Variants in FAM171B observed in about 807,000 individuals in gnomAD.
FAM171B encodes protein FAM171B.
A neutral mutation model predicts 75.6 loss-of-function variants in FAM171B; 19 were observed. The ratio of observed to expected loss-of-function variants is 0.25; its 90% CI spans 0.18 to 0.37. The LOEUF (loss-of-function observed/expected upper bound fraction) is 0.37, where lower values mean the gene tolerates loss of function less well. Ranked by LOEUF, FAM171B falls within the 10% of genes least tolerant of loss-of-function variation. FAM171B has a pLI of 1.00. For missense variants in FAM171B, 848 were observed against 982.4 expected (o/e 0.86, Z 1.83); for synonymous variants, 367 against 361.7 (o/e 1.01, Z -0.17).
intron 1 of FAM171B, among the ~76,000 whole-genome samples, chr2:186,730,283 T>A (rs1283704615): frequency 1.3e-5 from 2 of 152,234 alleles, no homozygotes; most frequent in Non-Finnish European, 2.9e-5. Context: ...AATCTCAATT[T>A]CCTTGCCTTA....
At chr2:186,747,924 C>A (rs13020260) in intron 4 of FAM171B, among the ~76,000 whole-genome samples, 49,936 of 151,724 alleles carry the variant, frequency 0.33, 8,837 homozygotes, top group East Asian at 0.73. Context: ...CTTGTTCCAC[C>A]ATTTTTTTTT....
In FAM171B at chr2:186,765,195, G is replaced by A. The variant is rs1024233820; in HGVS notation, c.*2372G>A. Reference sequence around the variant, plus strand: ...CCATCTACTTTTTCTTAACCCAAGTGATAATAAACAATATTCACAACTTTC... The same window carrying A: ...CCATCTACTTTTTCTTAACCCAAGTAATAATAAACAATATTCACAACTTTC... On this transcript the variant is annotated 3_prime_UTR_variant, in exon 8 of 8. Coordinates refer to ENST00000304698, the MANE Select transcript of FAM171B (RefSeq NM_177454.4). 1 of 151,938 alleles carries A rather than the reference G, an allele frequency of 6.6e-6. No homozygotes were observed. The highest frequency in any genetic ancestry group is 1.5e-5 in the Non-Finnish European group (1 of 67,930). 9.4% of individuals were successfully genotyped at this position (151,938 alleles called of 1,614,324 possible).
intron 1 of FAM171B, among the ~76,000 whole-genome samples, chr2:186,699,184 G>GT (rs1385833100): frequency 6.6e-6 from 1 of 152,068 alleles, no homozygotes; most frequent in Non-Finnish European, 1.5e-5. Context: ...TCTATTTTTA[G>GT]TTTTTTGAGG....
intron 1 of FAM171B, among the ~76,000 whole-genome samples, chr2:186,726,481 G>A (rs1173492062): frequency 6.6e-6 from 1 of 152,032 alleles, no homozygotes; most frequent in Non-Finnish European, 1.5e-5. Context: ...CCACTTTTCA[G>A]AATGCATAAT....
At chr2:186,728,068 A>C in intron 1 of FAM171B, among the ~76,000 whole-genome samples, 1 of 152,164 alleles carries the variant, frequency 6.6e-6, no homozygotes, top group East Asian at 1.9e-4. Context: ...TCTCCACAGA[A>C]AAGTCAGATC....
In FAM171B at chr2:186,727,532, G is replaced by A. The variant is rs1188460218; in HGVS notation, c.239-12696G>A. 3.3e-5 allele frequency among the ~76,000 whole-genome samples: 5 copies of A among 152,166 alleles called. No individual in the cohort carries two copies. In the East Asian group the frequency reaches 9.6e-4, roughly 29 times the overall value. The stretch of plus-strand genomic sequence containing the variant: ...GTAGCAAACTTTGCCATTGTAGCAA[G>A]TGTAGCCATAGGTAATGTATAAATG... On this transcript the variant is annotated intron_variant, in intron 1 of 7. Transcript: ENST00000304698.
At chr2:186,749,679 A>T (rs897754675) in intron 4 of FAM171B, among the ~76,000 whole-genome samples, 1 of 151,954 alleles carries the variant, frequency 6.6e-6, no homozygotes, top group East Asian at 1.9e-4. Flanking sequence ...GGCTGCCAAG[A>T]CCCTCCACTC....
chr2:186,694,714 C>T (rs1303494110), intron 1 of FAM171B, among the ~76,000 whole-genome samples: 1 of 149,948 alleles, frequency 6.7e-6, no homozygotes, highest in East Asian at 2.0e-4. Context: ...CTCCCTTCTT[C>T]CTGAATTCTA....
At chr2:186,707,494 T>C (rs1204546941) in intron 1 of FAM171B, among the ~76,000 whole-genome samples, 1 of 152,186 alleles carries the variant, frequency 6.6e-6, no homozygotes, top group Non-Finnish European at 1.5e-5. Flanking sequence ...ATTGAAGCCT[T>C]GGGGATCGTT....
rs141004508 is a variant in FAM171B at position 186,762,713 on chromosome 2, G to A, written c.2371G>A (p.Ala791Thr). The change falls in exon 8 of 8, where the codon GCT becomes ACT. Residue 791 changes from alanine to threonine, a missense_variant. This residue lies in a region of FAM171B where 136 missense variants were observed against 159.3 expected (regional missense o/e 0.85). Transcript: ENST00000304698. The surrounding 1 kb of genome is among the most constrained non-coding windows in gnomAD (Gnocchi z 4.0). Reference sequence around the variant, plus strand: ...GAAAAGCACTGTTGAAGATTTTGAAGCTAATACATCCCCCACTAAAAGAAG... The same window carrying A: ...GAAAAGCACTGTTGAAGATTTTGAAACTAATACATCCCCCACTAAAAGAAG... ...GRKSTVEDFE[A>T]NTSPTKRRGR... The A allele has an allele frequency of 1.2e-6, 2 of 1,613,180 alleles. No homozygotes were observed. The highest frequency in any genetic ancestry group is 8.5e-7 in the Non-Finnish European group (1 of 1,179,602).
intron 1 of FAM171B, among the ~76,000 whole-genome samples, chr2:186,734,810 G>A (rs1011530692): frequency 5.9e-5 from 9 of 152,214 alleles, no homozygotes; most frequent in African/African-American, 1.4e-4. Context: ...CCCAAAGTCC[G>A]GAAGGGGCCT....
At chr2:186,717,702 C>T (rs1245373643) in intron 1 of FAM171B, among the ~76,000 whole-genome samples, 2 of 152,112 alleles carry the variant, frequency 1.3e-5, no homozygotes, top group Non-Finnish European at 2.9e-5. Flanking sequence ...ACAGCTTCTG[C>T]TTGCTAAGGT....
chr2:186,714,863 G>A (rs1301674555), intron 1 of FAM171B, among the ~76,000 whole-genome samples: 3 of 152,150 alleles, frequency 2.0e-5, no homozygotes, highest in Non-Finnish European at 2.9e-5. Flanking sequence ...AGGCTAATAA[G>A]GCAGCCGTGT....
At chr2:186,700,007 T>A (rs1689634272) in intron 1 of FAM171B, among the ~76,000 whole-genome samples, 1 of 152,138 alleles carries the variant, frequency 6.6e-6, no homozygotes, top group Non-Finnish European at 1.5e-5. Flanking sequence ...CCAGTTACAA[T>A]GCTGTTTTGG....
At chr2:186,709,293 TC>T (rs2105773990) in intron 1 of FAM171B, among the ~76,000 whole-genome samples, 2 of 152,276 alleles carry the variant, frequency 1.3e-5, no homozygotes, top group South Asian at 4.1e-4. Context: ...CCAAACTTCA[TC>T]CAGTAGTCTC....
In FAM171B at chr2:186,761,876, A is replaced by C; in HGVS notation, c.1534A>C (p.Lys512Gln). The C allele has an allele frequency of 6.2e-7, 1 of 1,613,230 alleles. No homozygotes were observed. The highest frequency in any genetic ancestry group is 8.5e-7 in the Non-Finnish European group (1 of 1,179,744). The change falls in exon 8 of 8, where the codon AAG becomes CAG. Residue 512 changes from lysine (K) to glutamine (Q), a missense_variant. Coordinates refer to ENST00000304698, the MANE Select transcript of FAM171B (RefSeq NM_177454.4). ...ATCTCTAGGTGATGCTCAAGATGAA[A>C]AGAGGTATCTCACAGGTAATGAGGA... ...SSSLGDAQDE[K>Q]RYLTGNEEAY...
intron 1 of FAM171B, among the ~76,000 whole-genome samples, chr2:186,702,906 C>T (rs903980228): frequency 6.6e-6 from 1 of 151,932 alleles, no homozygotes; most frequent in African/African-American, 2.4e-5. Flanking sequence ...ATTTAATATG[C>T]TTTTTCTTCC....
At chr2:186,747,684 G>C (rs914456005) in intron 4 of FAM171B, among the ~76,000 whole-genome samples, 10 of 151,920 alleles carry the variant, frequency 6.6e-5, no homozygotes, top group Non-Finnish European at 4.4e-5. Flanking sequence ...AAAGTTTATA[G>C]ATTGGAGTAA....
intron 3 of FAM171B, among the ~76,000 whole-genome samples, chr2:186,743,824 T>C (rs937660234): frequency 2.0e-5 from 3 of 152,208 alleles, no homozygotes; most frequent in African/African-American, 7.2e-5. Context: ...GTAGAGAACT[T>C]CTGTTCTTCT....
Sources: allele counts gnomAD v4.1 joint callset (sites outside exome capture counted in the v4.1 genomes callset), GRCh38; gene constraint gnomAD v4.1.1; regional missense constraint gnomAD v4.1.1; non-coding constraint Gnocchi (gnomAD v3.1); transcripts MANE v1.5; gene names NCBI Gene and HGNC (gene_info 2026-07-23, HGNC 2026-07-21).